Variants in EYS observed in about 807,000 individuals in gnomAD.
EYS encodes the protein protein eyes shut homolog.
EYS carries 250 observed loss-of-function variants against 282.1 expected under a neutral mutation model. The ratio of observed to expected loss-of-function variants is 0.89; its 90% CI spans 0.80 to 0.98. The LOEUF is 0.98. Among genes scored for constraint, EYS ranks in the 50% least tolerant of loss-of-function variants. The probability of loss-of-function intolerance (pLI) is 0.00; values close to 1 mark genes in which losing one functional copy is unlikely to be tolerated. For missense variants in EYS, 4,016 were observed against 3,709.0 expected (o/e 1.08, Z -2.15); for synonymous variants, 1,355 against 1,282.9 (o/e 1.06, Z -1.20).
At chr6:64,477,801 G>A (rs948138385) in intron 26 of EYS, among the ~76,000 whole-genome samples, 4 of 151,928 alleles carry the variant, frequency 2.6e-5, no homozygotes, top group South Asian at 2.1e-4. Flanking sequence ...TTAAAAATAC[G>A]TGGTTTGAAA....
chr6:64,534,512 G>T lies in EYS; in HGVS notation c.5644+55711C>A, dbSNP rs190475071. On this transcript the variant is annotated intron_variant, in intron 26 of 42. Coordinates refer to ENST00000503581, the MANE Select transcript of EYS (RefSeq NM_001142800.2). ...AAGCCAAAGTAAGCCAAAAATCTTAGATTTCATTTTTTTCTGTATTTTTCT... is the reference window on the plus strand; with the variant it reads ...AAGCCAAAGTAAGCCAAAAATCTTATATTTCATTTTTTTCTGTATTTTTCT... Among the ~76,000 whole-genome samples the T allele has an allele frequency of 5.9e-5, 9 of 152,070 alleles. No homozygotes were observed. The East Asian group carries it at 1.7e-3, about 29-fold the overall frequency.
chr6:64,012,049 C>A (rs1323259487), intron 33 of EYS, among the ~76,000 whole-genome samples: 1 of 150,994 alleles, frequency 6.6e-6, no homozygotes, highest in Non-Finnish European at 1.5e-5. Context: ...CCCCTCACCC[C>A]CTCCCCTCCT....
At chr6:65,598,171 G>A (rs903081454) in intron 2 of EYS, among the ~76,000 whole-genome samples, 4 of 148,070 alleles carry the variant, frequency 2.7e-5, no homozygotes, top group African/African-American at 1.0e-4. Flanking sequence ...ACTGCTAAAT[G>A]CAAAATTTTC....
At chr6:65,473,548 A>G (rs1284450713) in intron 5 of EYS, among the ~76,000 whole-genome samples, 2 of 151,944 alleles carry the variant, frequency 1.3e-5, no homozygotes, top group African/African-American at 4.8e-5. Flanking sequence ...AAGAACAAAA[A>G]TTTATGCAAG....
chr6:64,590,699 A>G lies in EYS; in HGVS notation c.5168T>C (p.Leu1723Ser), dbSNP rs1334244092. The G allele has an allele frequency of 6.4e-7, 1 of 1,551,172 alleles. No homozygotes were observed. Among genetic ancestry groups the G allele is most frequent in the Non-Finnish European group, 8.7e-7 (1 of 1,146,618 alleles). Residue 1723 changes from leucine (L) to serine (S), a missense_variant, in exon 26 of 43, where the codon TTG (leucine) becomes TCG (serine). Coordinates refer to ENST00000503581, the MANE Select transcript of EYS (RefSeq NM_001142800.2). The part of the protein sequence containing the change: ...PTEVLNQESL[L>S]DMEKSKGSHT... The stretch of plus-strand genomic sequence containing the variant: ...AGATCCTTTACTTTTTTCCATGTCC[A>G]ATAAGCTCTCTTGATTTAGTACCTC...
At chr6:64,762,022 G>A (rs193056890) in intron 22 of EYS, among the ~76,000 whole-genome samples, 93 of 152,176 alleles carry the variant, frequency 6.1e-4, no homozygotes, top group African/African-American at 2.0e-3. Flanking sequence ...ATGATATATT[G>A]TATATTTCAA....
chr6:65,438,372 A>AAATG (rs1281665390), intron 5 of EYS, among the ~76,000 whole-genome samples: 3 of 152,178 alleles, frequency 2.0e-5, no homozygotes, highest in Non-Finnish European at 2.9e-5. Context: ...GTATATACCC[A>AAATG]GTAACGGGAT....
chr6:63,722,448 A>G (rs766496519), intron 42 of EYS, among the ~76,000 whole-genome samples: 4 of 152,116 alleles, frequency 2.6e-5, no homozygotes, highest in Non-Finnish European at 5.9e-5. Context: ...CCATTACAGT[A>G]TATCTCATTT....
intron 8 of EYS, among the ~76,000 whole-genome samples, chr6:65,361,440 ATTTC>A (rs1764703110): frequency 6.6e-6 from 1 of 151,304 alleles, no homozygotes; most frequent in Admixed American, 6.6e-5. Context: ...ACTGACAGGA[ATTTC>A]TTTCTCTTTT....
intron 41 of EYS, among the ~76,000 whole-genome samples, chr6:63,743,435 G>T (rs1327429088): frequency 6.6e-6 from 1 of 152,186 alleles, no homozygotes; most frequent in African/African-American, 2.4e-5. Flanking sequence ...TTTTATATTT[G>T]TTGGGCATGT....
At chr6:65,236,382 C>T (rs1313613161) in intron 12 of EYS, among the ~76,000 whole-genome samples, 3 of 152,098 alleles carry the variant, frequency 2.0e-5, no homozygotes, top group Non-Finnish European at 4.4e-5. Context: ...GAGGCCAAGG[C>T]AGGTGGATCA....
At position 64,885,634 on chromosome 6, in the gene EYS, G is replaced by A. The variant is rs78049862; in HGVS notation, c.2992+1063C>T. 3.1e-3 allele frequency among the ~76,000 whole-genome samples: 466 copies of A among 151,856 alleles called. 2 individuals carry two copies. Among genetic ancestry groups the A allele is most frequent in the African/African-American group, 0.011 (454 of 41,508 alleles). On this transcript the variant is annotated intron_variant, in intron 19 of 42. Transcript: ENST00000503581. The stretch of plus-strand genomic sequence containing the variant: ...ATTTAATGTTTCTTGTATATTATAT[G>A]TAATGAACTTTGCAGAAAATGATAC...
chr6:64,109,258 A>G (rs1317967311), intron 31 of EYS, among the ~76,000 whole-genome samples: 1 of 152,098 alleles, frequency 6.6e-6, no homozygotes, highest in Non-Finnish European at 1.5e-5. Context: ...AGGTTTTTAA[A>G]CATTTTTGTT....
chr6:64,432,014 T>C (rs192962895), intron 28 of EYS, among the ~76,000 whole-genome samples: 1 of 152,284 alleles, frequency 6.6e-6, no homozygotes, highest in Non-Finnish European at 1.5e-5. Context: ...ATTTATTGCA[T>C]GTCTAATGCA....
chr6:64,640,850 G>C (rs558397701), intron 22 of EYS, among the ~76,000 whole-genome samples: 67 of 152,260 alleles, frequency 4.4e-4, no homozygotes, highest in Non-Finnish European at 2.8e-4. Flanking sequence ...AACACATTTA[G>C]TGTCTCATTT....
Position 65,439,427 on chromosome 6 carries a change from A to T in EYS, c.863-34060T>A, listed in dbSNP as rs192910702. On this transcript the variant is annotated intron_variant, in intron 5 of 42. Coordinates refer to ENST00000503581, the MANE Select transcript of EYS (RefSeq NM_001142800.2). The stretch of plus-strand genomic sequence containing the variant: ...GATGGGGATGGTATTGAGTCTTTAA[A>T]TTACCTTGGGCAGCATGGCCATTTT... 1.4e-3 allele frequency among the ~76,000 whole-genome samples: 212 copies of T among 152,182 alleles called. 3 individuals are homozygous for T. The highest frequency in any genetic ancestry group is 4.5e-3 in the African/African-American group (186 of 41,536).
intron 26 of EYS, among the ~76,000 whole-genome samples, chr6:64,548,691 G>T: frequency 6.6e-6 from 1 of 152,216 alleles, no homozygotes; most frequent in East Asian, 1.9e-4. Flanking sequence ...GGTGTGGGGA[G>T]GGGGGAGGAG....
chr6:64,029,544 A>G (rs925713503), intron 33 of EYS, among the ~76,000 whole-genome samples: 2 of 152,156 alleles, frequency 1.3e-5, no homozygotes, highest in East Asian at 3.9e-4. Flanking sequence ...CAACCCTGAC[A>G]CTTTTCTCCC....
At chr6:65,187,845 A>T (rs1217564008) in intron 12 of EYS, among the ~76,000 whole-genome samples, 1 of 151,696 alleles carries the variant, frequency 6.6e-6, no homozygotes. Context: ...AATATTGCTA[A>T]TTTTATTTTT....
Sources: gnomAD v4.1 joint callset for allele counts (sites outside exome capture counted in the v4.1 genomes callset) on GRCh38, gnomAD v4.1.1 for gene constraint, MANE v1.5 for transcripts, NCBI Gene and HGNC (gene_info 2026-07-23, HGNC 2026-07-21) for gene names.